The following PPM1L variants were observed in gnomAD, a reference collection of about 807,000 sequenced individuals.
The protein encoded by PPM1L is protein phosphatase 1L.
In PPM1L, 13 loss-of-function variants were observed where a neutral mutation model predicts 31.4. The observed-to-expected ratio is 0.41, with a 90% CI of 0.27 to 0.66. The LOEUF is 0.66. PPM1L is among the 30% of genes least tolerant of loss of function. PPM1L has a pLI of 0.29. For missense variants in PPM1L, 326 were observed against 453.7 expected, an observed-to-expected ratio of 0.72 and a Z score of 2.56; for synonymous variants, 184 against 175.4, an observed-to-expected ratio of 1.05 and a Z score of -0.39.
chr3:160,936,075 T>C (rs1207946810), intron 1 of PPM1L, among the ~76,000 whole-genome samples: 4 of 152,242 alleles, frequency 2.6e-5, no homozygotes, highest in African/African-American at 9.6e-5. Flanking sequence ...TCCCACCTCT[T>C]CTGTTAACAA....
chr3:160,874,835 A>G (rs930405121), intron 1 of PPM1L, among the ~76,000 whole-genome samples: 1 of 152,182 alleles, frequency 6.6e-6, no homozygotes, highest in African/African-American at 2.4e-5. Flanking sequence ...TGGAAAGACT[A>G]TATAGAATTA....
intron 2 of PPM1L, among the ~76,000 whole-genome samples, chr3:161,048,503 A>G (rs2108096073): frequency 6.6e-6 from 1 of 152,346 alleles, no homozygotes; most frequent in East Asian, 1.9e-4. Context: ...TAGTACAACC[A>G]TTGTGGAAGA....
chr3:160,867,080 T>C (rs1286820470), intron 1 of PPM1L, among the ~76,000 whole-genome samples: 1 of 152,194 alleles, frequency 6.6e-6, no homozygotes, highest in Non-Finnish European at 1.5e-5. Flanking sequence ...GCTCAAGTGG[T>C]ATACCTACTT....
At chr3:160,777,229 G>A (rs113713944) in intron 1 of PPM1L, among the ~76,000 whole-genome samples, 2,517 of 152,080 alleles carry the variant, frequency 0.017, 67 homozygotes, top group African/African-American at 0.057. Flanking sequence ...AGGATGATGC[G>A]GAGGTTGCTT....
At chr3:160,897,001 C>G (rs1713354981) in intron 1 of PPM1L, among the ~76,000 whole-genome samples, 1 of 149,022 alleles carries the variant, frequency 6.7e-6, no homozygotes, top group Non-Finnish European at 1.5e-5. Context: ...GATTGCTAGT[C>G]TAGTCACAGT....
At chr3:160,787,410 G>GTGTC (rs1711968530) in intron 1 of PPM1L, among the ~76,000 whole-genome samples, 1 of 152,130 alleles carries the variant, frequency 6.6e-6, no homozygotes, top group Non-Finnish European at 1.5e-5. Flanking sequence ...TTCTTTTGAA[G>GTGTC]TGTCTGTTCA....
At chr3:160,915,194 T>G (rs536841010) in intron 1 of PPM1L, among the ~76,000 whole-genome samples, 4 of 151,780 alleles carry the variant, frequency 2.6e-5, no homozygotes, top group South Asian at 2.1e-4. Context: ...TAAGCTGATA[T>G]GCAATTTCAG....
At chr3:160,902,259 T>C (rs1403871992) in intron 1 of PPM1L, among the ~76,000 whole-genome samples, 1 of 152,132 alleles carries the variant, frequency 6.6e-6, no homozygotes, top group East Asian at 1.9e-4. Flanking sequence ...AGCCCTAAAA[T>C]TGGGAAACTA....
intron 1 of PPM1L, among the ~76,000 whole-genome samples, chr3:160,766,522 C>T (rs1457675373): frequency 6.6e-6 from 1 of 152,138 alleles, no homozygotes; most frequent in African/African-American, 2.4e-5. Flanking sequence ...CTCATTCTCT[C>T]TCCTGCCACT....
At position 160,970,447 on chromosome 3, in the gene PPM1L, A is replaced by AT. The variant is rs1242719344; in HGVS notation, c.574+8557dup. 9.4e-3 allele frequency among the ~76,000 whole-genome samples: 201 copies of AT among 21,400 alleles called. 2 individuals are homozygous for AT. In the South Asian group the frequency reaches 0.14, roughly 15 times the overall value. The allele number at this position is 21,400 out of a possible 152,430, so 14.0% of individuals were successfully genotyped here. The stretch of plus-strand genomic sequence containing the variant: ...ATCAATCTTTTTAACCAAGCTGAAT[A>AT]TTTTTTTTTTTTTTTTTTTTGAGAT... On this transcript the variant is annotated intron_variant, in intron 2 of 3. Transcript: ENST00000498165.
chr3:160,986,875 C>T (rs895783882), intron 2 of PPM1L, among the ~76,000 whole-genome samples: 6 of 152,132 alleles, frequency 3.9e-5, no homozygotes, highest in Non-Finnish European at 8.8e-5. Flanking sequence ...CATATTCTTT[C>T]TTTCTTACAA....
intron 1 of PPM1L, among the ~76,000 whole-genome samples, chr3:160,777,372 A>G (rs961192912): frequency 6.6e-6 from 1 of 152,188 alleles, no homozygotes; most frequent in South Asian, 2.1e-4. Context: ...TTAAATTGTA[A>G]AAATCATGTA....
chr3:161,074,085 T>C lies in PPM1L; in HGVS notation c.*4928T>C, dbSNP rs955950104. The C allele has an allele frequency of 2.6e-5, 4 of 152,250 alleles. No individual in the cohort carries two copies. Among genetic ancestry groups the C allele is most frequent in the African/African-American group, 9.6e-5 (4 of 41,470 alleles). The allele number at this position is 152,250 out of a possible 1,614,324, so 9.4% of individuals were successfully genotyped here. On this transcript the variant is annotated 3_prime_UTR_variant, in exon 4 of 4. Coordinates refer to ENST00000498165, the MANE Select transcript of PPM1L (RefSeq NM_139245.4). ...TGATTTTAATTCACTTTTGAAATTT[T>C]AACGATTTTTAAAACTAATGATCTG...
chr3:160,960,508 G>T (rs956859481), intron 1 of PPM1L, among the ~76,000 whole-genome samples: 2 of 151,342 alleles, frequency 1.3e-5, no homozygotes, highest in Non-Finnish European at 2.9e-5. Context: ...AGCAAAGATT[G>T]CCCCAGATAC....
intron 2 of PPM1L, among the ~76,000 whole-genome samples, chr3:161,032,323 G>A (rs1290383160): frequency 6.6e-6 from 1 of 152,138 alleles, no homozygotes; most frequent in Non-Finnish European, 1.5e-5. Context: ...AATACTCAAA[G>A]TGTACGAAAA....
chr3:160,763,078 C>G (rs1477113969), intron 1 of PPM1L, among the ~76,000 whole-genome samples: 1 of 152,170 alleles, frequency 6.6e-6, no homozygotes, highest in African/African-American at 2.4e-5. Context: ...AAAGATTTAT[C>G]TCCTAGTCTC....
chr3:160,818,578 AG>A (rs1198963221), intron 1 of PPM1L, among the ~76,000 whole-genome samples: 1 of 152,204 alleles, frequency 6.6e-6, no homozygotes, highest in East Asian at 1.9e-4. Context: ...CACAGAAAAA[AG>A]TAGCAGTTGT....
intron 2 of PPM1L, among the ~76,000 whole-genome samples, chr3:161,038,061 G>A (rs916729114): frequency 1.3e-5 from 2 of 151,544 alleles, no homozygotes; most frequent in East Asian, 2.0e-4. Context: ...GTGAAACCCC[G>A]TCTCTACTAA....
chr3:160,999,220 A>G (rs1470887125), intron 2 of PPM1L, among the ~76,000 whole-genome samples: 2 of 152,176 alleles, frequency 1.3e-5, no homozygotes, highest in Non-Finnish European at 2.9e-5. Context: ...GTCCATTTTT[A>G]TAGATGAAGA....
Sources: allele counts gnomAD v4.1 joint callset (sites outside exome capture counted in the v4.1 genomes callset), GRCh38; gene constraint gnomAD v4.1.1; transcripts MANE v1.5; gene names NCBI Gene and HGNC (gene_info 2026-07-23, HGNC 2026-07-21).